Variants in SEMA6A observed in about 807,000 individuals in gnomAD.
The protein encoded by SEMA6A is semaphorin-6A.
Under a neutral mutation model 96.8 loss-of-function variants are expected in SEMA6A, and 25 were observed. That is an observed-to-expected ratio of 0.26 (90% confidence interval 0.19 to 0.36). The LOEUF (loss-of-function observed/expected upper bound fraction) is 0.36. SEMA6A is among the 10% of genes least tolerant of loss of function. SEMA6A has a pLI of 1.00. For synonymous variants in SEMA6A, 612 were observed against 518.0 expected (o/e 1.18, Z -2.46); for missense variants, 1,363 against 1,323.1 (o/e 1.03, Z -0.47).
chr5:116,508,851 T>C (rs1487113710), intron 1 of SEMA6A, among the ~76,000 whole-genome samples: 1 of 152,160 alleles, frequency 6.6e-6, no homozygotes, highest in Non-Finnish European at 1.5e-5. Flanking sequence ...CTGCCTGCCC[T>C]TGAAGGTTCT....
Position 116,467,587 on chromosome 5 carries a change from C to T in SEMA6A, c.1890G>A (p.Lys630=), listed in dbSNP as rs1350659220. Residue 630 remains lysine, a synonymous_variant, in exon 18 of 19, where the codon AAG becomes AAA. Transcript: ENST00000343348. ...GAVSSHNHQD[K]KGVIRESYLK... is the part of the protein sequence containing the mutation. Reference sequence around the variant, plus strand: ...GAGGCATTTCCAAGGCCTTACCCTTCTTGTCTTGGTGATTATGGGAAGACA... The same window carrying T: ...GAGGCATTTCCAAGGCCTTACCCTTTTTGTCTTGGTGATTATGGGAAGACA... 1.2e-6 allele frequency: 2 copies of T among 1,612,520 alleles called. No individual in the cohort carries two copies. The highest frequency in any genetic ancestry group is 8.5e-7 in the Non-Finnish European group (1 of 1,179,360).
At chr5:116,498,573 GA>G (rs903198574) in intron 3 of SEMA6A, 1 of 151,700 alleles carries the variant, frequency 6.6e-6, no homozygotes, top group African/African-American at 2.4e-5. Context: ...TGCATGGGGG[GA>G]GGGGGTGGAA....
chr5:116,465,106 C>A (rs1413094901), intron 18 of SEMA6A, among the ~76,000 whole-genome samples: 2 of 152,140 alleles, frequency 1.3e-5, no homozygotes, highest in African/African-American at 4.8e-5. Flanking sequence ...TTAGAAAACC[C>A]ATGAAACTCT....
At chr5:116,547,661 C>T (rs1365375235) in intron 1 of SEMA6A, among the ~76,000 whole-genome samples, 2 of 143,246 alleles carry the variant, frequency 1.4e-5, no homozygotes, top group East Asian at 4.2e-4. Flanking sequence ...AGCATTAAGA[C>T]TGGCCAATAA....
At chr5:116,510,459 C>G (rs1008532901) in intron 1 of SEMA6A, among the ~76,000 whole-genome samples, 2 of 152,170 alleles carry the variant, frequency 1.3e-5, no homozygotes, top group Admixed American at 6.5e-5. Flanking sequence ...TGCCCCCTTA[C>G]TAGCTGGGAC....
chr5:116,494,458 G>C (rs1365786061), intron 6 of SEMA6A, among the ~76,000 whole-genome samples: 3 of 152,148 alleles, frequency 2.0e-5, no homozygotes, highest in Non-Finnish European at 4.4e-5. Context: ...GTTTCTTAAG[G>C]GCGGTGGTAT....
intron 1 of SEMA6A, among the ~76,000 whole-genome samples, chr5:116,524,820 A>AT (rs1367494054): frequency 2.6e-5 from 4 of 151,954 alleles, no homozygotes; most frequent in African/African-American, 7.3e-5. Flanking sequence ...TTTAGAGCTT[A>AT]TTCTTTAGGG....
At chr5:116,539,000 A>G (rs149599656) in intron 1 of SEMA6A, among the ~76,000 whole-genome samples, 7 of 152,312 alleles carry the variant, frequency 4.6e-5, no homozygotes, top group Middle Eastern at 3.4e-3. Context: ...AGTAATTCAT[A>G]GCAACTAAGA....
At chr5:116,537,618 C>G (rs17140055) in intron 1 of SEMA6A, among the ~76,000 whole-genome samples, 6,881 of 152,222 alleles carry the variant, frequency 0.045, 444 homozygotes, top group African/African-American at 0.14. Flanking sequence ...TGTGCCTTTA[C>G]AGTTGCCACA....
intron 2 of SEMA6A, among the ~76,000 whole-genome samples, chr5:116,503,245 C>T (rs1757978372): frequency 6.6e-6 from 1 of 152,136 alleles, no homozygotes; most frequent in Non-Finnish European, 1.5e-5. Flanking sequence ...GACTAGAAAA[C>T]CATTCACAGA....
chr5:116,480,028 G>A, intron 12 of SEMA6A, 94 bp downstream of exon 12: 1 of 1,429,006 alleles, frequency 7.0e-7, no homozygotes, highest in East Asian at 2.3e-5. Flanking sequence ...AGCAGAAGAT[G>A]TTTGTGGCAT....
chr5:116,494,550 C>A (rs1480240791), intron 6 of SEMA6A, among the ~76,000 whole-genome samples: 1 of 152,158 alleles, frequency 6.6e-6, no homozygotes, highest in African/African-American at 2.4e-5. Context: ...GACTCCTCAC[C>A]TCATGCATGG....
chr5:116,492,595 C>G (rs154602), intron 6 of SEMA6A: 126,668 of 152,228 alleles, frequency 0.83, 53,016 homozygotes, highest in African/African-American at 0.93. Context: ...AGGGAGTGCA[C>G]TTTTAGATTT....
rs547061084 is a variant in SEMA6A, at chr5:116,542,750, C to T, written c.-39+31435G>A. 7.9e-4 allele frequency among the ~76,000 whole-genome samples: 120 copies of T among 152,278 alleles called. No homozygotes were observed. In the South Asian group the frequency reaches 0.017, roughly 22 times the overall value. ...CCTGGTCAAGCTAGTTTCTGCATCACACTTAGAGAAACAGTAAGTGCCTGG... is the reference window on the plus strand; with the variant it reads ...CCTGGTCAAGCTAGTTTCTGCATCATACTTAGAGAAACAGTAAGTGCCTGG... On this transcript the variant is annotated intron_variant, in intron 1 of 18. Transcript: ENST00000343348.
At position 116,447,330 on chromosome 5, in the gene SEMA6A, G is replaced by A. The variant is rs1223156426; in HGVS notation, c.2376C>T (p.Pro792=). The change falls in exon 19 of 19, where the codon CCC becomes CCT. Residue 792 remains proline, a synonymous_variant. Transcript: ENST00000343348. ...TGGGAATCACAGGGGAGCCCATGGG[G>A]GGCATGTCCTTTGTGCAGGCATTGA... is the stretch of plus-strand genomic sequence containing the variant. The part of the protein sequence containing the change: ...NLINACTKDM[P]PMGSPVIPTD... 1.9e-6 allele frequency: 3 copies of A among 1,613,862 alleles called. No individual in the cohort carries two copies. In the South Asian group the frequency reaches 3.3e-5, roughly 18 times the overall value.
intron 10 of SEMA6A, among the ~76,000 whole-genome samples, chr5:116,483,449 G>C (rs1456860762): frequency 2.0e-5 from 3 of 152,160 alleles, no homozygotes; most frequent in Non-Finnish European, 4.4e-5. Flanking sequence ...CATGGCAAGA[G>C]CGCCCAGGAC....
At chr5:116,518,227 C>A (rs1758757350) in intron 1 of SEMA6A, among the ~76,000 whole-genome samples, 1 of 152,212 alleles carries the variant, frequency 6.6e-6, no homozygotes, top group South Asian at 2.1e-4. Context: ...GTGCCCTCCA[C>A]TGGCTGTCCC....
At chr5:116,536,697 C>G (rs1270233058) in intron 1 of SEMA6A, among the ~76,000 whole-genome samples, 2 of 152,104 alleles carry the variant, frequency 1.3e-5, no homozygotes, top group African/African-American at 2.4e-5. Flanking sequence ...ACAGAGGACA[C>G]TGGCACCAGT....
intron 1 of SEMA6A, among the ~76,000 whole-genome samples, chr5:116,561,482 A>G (rs1197592216): frequency 6.6e-6 from 1 of 152,246 alleles, no homozygotes; most frequent in Non-Finnish European, 1.5e-5. Context: ...TAAAAGATGC[A>G]AATACATTAT....
Sources: allele counts gnomAD v4.1 joint callset (sites outside exome capture counted in the v4.1 genomes callset), GRCh38; gene constraint gnomAD v4.1.1; transcripts MANE v1.5; gene names NCBI Gene and HGNC (gene_info 2026-07-23, HGNC 2026-07-21).